The following TSPAN16 variants were observed in gnomAD, a reference collection of about 807,000 sequenced individuals.
TSPAN16 encodes tetraspanin 16, also known as tetraspanin-16.
A neutral mutation model predicts 25.2 loss-of-function variants in TSPAN16; 23 were observed. The observed-to-expected ratio is 0.91, with a 90% CI of 0.66 to 1.29. TSPAN16 has a LOEUF of 1.29. TSPAN16 is among the 50% of genes most tolerant of loss of function. The pLI is 0.00. For synonymous variants in TSPAN16, 123 were observed against 124.4 expected, an observed-to-expected ratio of 0.99 and a Z score of 0.08; for missense variants, 272 against 299.9, an observed-to-expected ratio of 0.91 and a Z score of 0.69.
chr19:11,317,914 C>G (rs1011136203), downstream of TSPAN16, among the ~76,000 whole-genome samples: 2 of 151,998 alleles, frequency 1.3e-5, no homozygotes, highest in African/African-American at 4.8e-5. Flanking sequence ...CCCTGTTCCT[C>G]TTGTCCACAT....
intron 6 of TSPAN16, chr19:11,321,465 G>A (rs748294878): frequency 6.6e-6 from 1 of 152,226 alleles, no homozygotes; most frequent in Non-Finnish European, 1.5e-5. Flanking sequence ...TGAGGATTAT[G>A]GGGATTACAA....
In TSPAN16 at chr19:11,312,177, G is replaced by C. The variant is rs570587158; in HGVS notation, c.642G>C (p.Gln214His). The change falls in exon 6 of 7, where the codon CAG becomes CAC. Residue 214 changes from glutamine to histidine, a missense_variant. Coordinates refer to ENST00000590327, the MANE Select transcript of TSPAN16 (RefSeq NM_001282509.2). ...FHKLLKITKT[Q>H]SFTLSGSSLG... Reference sequence around the variant, plus strand: ...AACTCCTAAAAATCACCAAGACTCAGAGCTTCACCCTGAGTGGGAGCTCTC... The same window carrying C: ...AACTCCTAAAAATCACCAAGACTCACAGCTTCACCCTGAGTGGGAGCTCTC... 1.2e-6 allele frequency: 2 copies of C among 1,612,586 alleles called. No individual in the cohort carries two copies. Among genetic ancestry groups the C allele is most frequent in the African/African-American group, 1.3e-5 (1 of 74,864 alleles).
intron 4 of TSPAN16, among the ~76,000 whole-genome samples, chr19:11,306,153 A>G (rs2080624170): frequency 6.6e-6 from 1 of 152,156 alleles, no homozygotes; most frequent in South Asian, 2.1e-4. Context: ...CTGAAATCCC[A>G]GCTACTCGGG....
At chr19:11,301,772 G>C (rs2080552807) in intron 4 of TSPAN16, among the ~76,000 whole-genome samples, 1 of 152,040 alleles carries the variant, frequency 6.6e-6, no homozygotes, top group African/African-American at 2.4e-5. Flanking sequence ...CTGCACTCTA[G>C]CCTGGGTGAC....
Position 11,298,886 on chromosome 19 carries a change from G to T in TSPAN16, c.282G>T (p.Met94Ile), listed in dbSNP as rs753550956. The T allele has an allele frequency of 1.9e-6, 3 of 1,614,038 alleles. No homozygotes were observed. The highest frequency in any genetic ancestry group is 2.5e-6 in the Non-Finnish European group (3 of 1,179,972). The change falls in exon 3 of 7, where the codon ATG becomes ATT. Residue 94 changes from methionine to isoleucine, a missense_variant. Met to Ile is a conservative substitution (Grantham distance 10, BLOSUM62 1). Transcript: ENST00000590327. The part of the protein sequence containing the change: ...RGTLLFCILS[M>I]VIVLIMEVTA... ...GTGTCTTTTAGTGCATCCTGTCAAT[G>T]GTTATTGTCCTCATCATGGAAGTTA...
intron 4 of TSPAN16, among the ~76,000 whole-genome samples, chr19:11,301,866 T>C (rs911426566): frequency 1.3e-5 from 2 of 150,928 alleles, no homozygotes; most frequent in Non-Finnish European, 2.9e-5. Context: ...TTCTGTTGCC[T>C]AGGCTGGAGT....
At chr19:11,320,071 G>A (rs2147961202), downstream of TSPAN16, among the ~76,000 whole-genome samples, 1 of 150,498 alleles carries the variant, frequency 6.6e-6, no homozygotes, top group East Asian at 2.0e-4. Context: ...GCCCGCCTCC[G>A]CCTCCCAAGG....
chr19:11,312,357 A>AACAAACT (rs1276515286), intron 6 of TSPAN16, 135 bp downstream of exon 6: 1 of 475,136 alleles, frequency 2.1e-6, no homozygotes, highest in African/African-American at 1.9e-5. Flanking sequence ...AACAAAGAAG[A>AACAAACT]ACAAACTAAA....
intron 6 of TSPAN16, chr19:11,326,696 T>C (rs561250906): frequency 1.4e-5 from 9 of 664,038 alleles, no homozygotes; most frequent in Admixed American, 6.5e-5. Context: ...CTCAACCTCC[T>C]GGGCTCAAGC....
At chr19:11,321,154 T>A in intron 6 of TSPAN16, 1 of 145,460 alleles carries the variant, frequency 6.9e-6, no homozygotes. Flanking sequence ...GGTGGCAGAG[T>A]AGGACTGAGT....
chr19:11,318,309 G>A (rs972521351), downstream of TSPAN16, among the ~76,000 whole-genome samples: 1 of 152,088 alleles, frequency 6.6e-6, no homozygotes, highest in East Asian at 1.9e-4. Flanking sequence ...ACAGGTGTGA[G>A]CCACCACACC....
intron 6 of TSPAN16, among the ~76,000 whole-genome samples, chr19:11,326,552 A>G (rs2080814177): frequency 6.6e-6 from 1 of 152,236 alleles, no homozygotes. Flanking sequence ...GCTTCCACCC[A>G]ATTTCTGCTG....
intron 6 of TSPAN16, among the ~76,000 whole-genome samples, chr19:11,326,391 CA>C (rs2080813123): frequency 6.6e-6 from 1 of 152,012 alleles, no homozygotes; most frequent in Admixed American, 6.6e-5. Context: ...AAAAACAAAA[CA>C]AAACGAAACC....
chr19:11,301,153 C>A, intron 3 of TSPAN16, 48 bp from the exon 4 acceptor site: 1 of 1,513,286 alleles, frequency 6.6e-7, no homozygotes, highest in Non-Finnish European at 9.2e-7. Flanking sequence ...AATGAACGGG[C>A]CACTCTTGCT....
At position 11,312,231 on chromosome 19, in the gene TSPAN16, C is replaced by G. The variant is rs927382584; in HGVS notation, c.687+9C>G. 5 of 1,605,172 alleles carry G rather than the reference C, an allele frequency of 3.1e-6. No homozygotes were observed. The Admixed American group carries it at 6.8e-5, about 22-fold the overall frequency. ...GAGCTGCAGTGATACAGGTAAGACC[C>G]AGCCTCTCTAGGGTCTTTGAGCTGT... On this transcript the variant is annotated intron_variant, in intron 6 of 6. Coordinates refer to ENST00000590327, the MANE Select transcript of TSPAN16 (RefSeq NM_001282509.2).
At chr19:11,320,543 C>T (rs1055338182), downstream of TSPAN16, among the ~76,000 whole-genome samples, 2 of 151,930 alleles carry the variant, frequency 1.3e-5, no homozygotes, top group African/African-American at 4.8e-5. Flanking sequence ...TGTGGTGGTG[C>T]TTGCTTGTAG....
chr19:11,298,402 G>A (rs2080504113), intron 2 of TSPAN16, 63 bp downstream of exon 2: 1 of 1,526,902 alleles, frequency 6.5e-7, no homozygotes, highest in Non-Finnish European at 9.0e-7. Flanking sequence ...CTTTTATTGT[G>A]CGTGTTGCAA....
At chr19:11,313,056 CAA>C (rs1163092252) in intron 6 of TSPAN16, among the ~76,000 whole-genome samples, 1 of 152,128 alleles carries the variant, frequency 6.6e-6, no homozygotes, top group Non-Finnish European at 1.5e-5. Context: ...AAACTTCCCA[CAA>C]AGAAAATATC....
intron 6 of TSPAN16, among the ~76,000 whole-genome samples, 195 bp from the exon 7 acceptor site, chr19:11,315,596 T>TA (rs1402015042): frequency 6.6e-6 from 1 of 151,206 alleles, no homozygotes; most frequent in Non-Finnish European, 1.5e-5. Flanking sequence ...TAATAATAAA[T>TA]AAAAAATAAG....
Sources: allele counts gnomAD v4.1 joint callset (sites outside exome capture counted in the v4.1 genomes callset), GRCh38; gene constraint gnomAD v4.1.1; transcripts MANE v1.5; gene names NCBI Gene and HGNC (gene_info 2026-07-23, HGNC 2026-07-21).